TENM4: variants seen among roughly 807,000 people sequenced by gnomAD.
TENM4 encodes teneurin transmembrane protein 4, also known as teneurin-4.
A neutral mutation model predicts 243.3 loss-of-function variants in TENM4; 82 were observed. The observed-to-expected ratio is 0.34, with a 90% CI of 0.28 to 0.40. TENM4 has a LOEUF of 0.40. Ranked by LOEUF, TENM4 falls within the 10% of genes least tolerant of loss-of-function variation. TENM4 has a pLI of 1.00. For synonymous variants in TENM4, 1,412 were observed against 1,456.3 expected (o/e 0.97, Z 0.69); for missense variants, 3,138 against 3,673.3 (o/e 0.85, Z 3.77).
rs199936153 is a variant in TENM4, at chr11:79,082,564, G to A, written c.-65-12555C>T. On this transcript the variant is annotated intron_variant, in intron 4 of 33. Transcript: ENST00000278550. ...GCCTGAGAACTGCCCTGATACCCCA[G>A]AAAAATGCACATATGTGTGCACCCA... is the stretch of plus-strand genomic sequence containing the variant. 4.8e-3 allele frequency among the ~76,000 whole-genome samples: 367 copies of A among 75,786 alleles called. 2 individuals are homozygous for A. Among genetic ancestry groups the A allele is most frequent in the African/African-American group, 0.012 (335 of 27,518 alleles). The allele number at this position is 75,786 out of a possible 152,430, so 49.7% of individuals were successfully genotyped here.
At chr11:78,733,272 G>T (rs1236083247) in intron 20 of TENM4, among the ~76,000 whole-genome samples, 1 of 152,216 alleles carries the variant, frequency 6.6e-6, no homozygotes, top group Non-Finnish European at 1.5e-5. Flanking sequence ...CACTGTGACA[G>T]CATCTGGAGA....
At chr11:79,039,277 T>G in intron 6 of TENM4, among the ~76,000 whole-genome samples, 1 of 151,762 alleles carries the variant, frequency 6.6e-6, no homozygotes, top group East Asian at 1.9e-4. Context: ...CCACTTGCCT[T>G]ACAGCCTCAA....
intron 4 of TENM4, among the ~76,000 whole-genome samples, chr11:79,072,307 G>T (rs117936534): frequency 6.6e-6 from 1 of 151,986 alleles, no homozygotes; most frequent in Non-Finnish European, 1.5e-5. Context: ...GCACAGCAAG[G>T]CCCTGTTTCT....
intron 6 of TENM4, among the ~76,000 whole-genome samples, chr11:78,923,463 T>TATTCAA (rs1856490143): frequency 6.6e-6 from 1 of 152,228 alleles, no homozygotes; most frequent in South Asian, 2.1e-4. Context: ...AATGAGCAGG[T>TATTCAA]GACCCAGTTC....
At chr11:78,985,257 AT>A (rs545811022) in intron 6 of TENM4, among the ~76,000 whole-genome samples, 242 of 148,786 alleles carry the variant, frequency 1.6e-3, no homozygotes, top group East Asian at 0.014. Context: ...TGCCATACAG[AT>A]TTTTTTTTTT....
chr11:79,353,003 G>T (rs1350225064), intron 1 of TENM4, among the ~76,000 whole-genome samples: 1 of 152,134 alleles, frequency 6.6e-6, no homozygotes, highest in Non-Finnish European at 1.5e-5. Context: ...ACCCTCATTG[G>T]CAAGGCTGGC....
intron 1 of TENM4, among the ~76,000 whole-genome samples, chr11:79,431,051 T>A (rs2135610245): frequency 6.6e-6 from 1 of 152,244 alleles, no homozygotes; most frequent in South Asian, 2.1e-4. Flanking sequence ...TTAGTTCAAT[T>A]AATAAATTAA....
rs140786085 is a variant in TENM4, at chr11:79,322,040, T to C, written c.-320-24497A>G. 8.5e-5 allele frequency among the ~76,000 whole-genome samples: 13 copies of C among 152,252 alleles called. No homozygotes were observed. The East Asian group carries it at 1.5e-3, about 18-fold the overall frequency. On this transcript the variant is annotated intron_variant, in intron 1 of 33. Transcript: ENST00000278550. The stretch of plus-strand genomic sequence containing the variant: ...CTTCTGGGACTGGAATTGATGTAAA[T>C]GACAGGAAACAGGGAGGGCTCACCT...
intron 1 of TENM4, among the ~76,000 whole-genome samples, chr11:79,309,492 G>A (rs556654682): frequency 1.4e-3 from 208 of 152,328 alleles, no homozygotes; most frequent in African/African-American, 2.7e-3. Context: ...CTGGGGGACC[G>A]CCTGGTTTTA....
chr11:79,053,394 A>G (rs1365882704), intron 6 of TENM4, among the ~76,000 whole-genome samples: 2 of 152,206 alleles, frequency 1.3e-5, no homozygotes, highest in Non-Finnish European at 2.9e-5. Context: ...GGCATTTGTC[A>G]CCTTTAACTT....
At chr11:78,996,321 T>C (rs892857) in intron 6 of TENM4, among the ~76,000 whole-genome samples, 77,313 of 151,992 alleles carry the variant, frequency 0.51, 22,893 homozygotes, top group African/African-American at 0.84. Context: ...TCTAAGCTAG[T>C]TAAGTGGAAA....
intron 2 of TENM4, among the ~76,000 whole-genome samples, chr11:79,278,785 A>G (rs1240787375): frequency 6.6e-6 from 1 of 152,130 alleles, no homozygotes; most frequent in African/African-American, 2.4e-5. Context: ...GGTGCTGGGT[A>G]TGTGTGTACA....
chr11:79,109,256 A>G (rs911526320), intron 4 of TENM4, among the ~76,000 whole-genome samples: 1 of 152,190 alleles, frequency 6.6e-6, no homozygotes, highest in Non-Finnish European at 1.5e-5. Flanking sequence ...TATGATTAAT[A>G]TAGCTCACCA....
intron 6 of TENM4, among the ~76,000 whole-genome samples, chr11:78,981,034 A>G (rs1028038228): frequency 6.6e-6 from 1 of 152,174 alleles, no homozygotes; most frequent in Admixed American, 6.5e-5. Context: ...ATATCCCACA[A>G]TAATCTCTCC....
At chr11:78,754,852 A>C (rs1856270331) in intron 19 of TENM4, among the ~76,000 whole-genome samples, 1 of 152,214 alleles carries the variant, frequency 6.6e-6, no homozygotes, top group Non-Finnish European at 1.5e-5. Flanking sequence ...CGGACCATCA[A>C]GTAGCTTCAC....
At chr11:79,231,941 G>A (rs558720815) in intron 2 of TENM4, among the ~76,000 whole-genome samples, 49 of 152,266 alleles carry the variant, frequency 3.2e-4, no homozygotes, top group Middle Eastern at 3.4e-3. Flanking sequence ...TTAGCCAGGC[G>A]TGGTAGCACA....
intron 6 of TENM4, among the ~76,000 whole-genome samples, chr11:78,985,919 A>G (rs1367688545): frequency 1.3e-5 from 2 of 152,052 alleles, no homozygotes; most frequent in East Asian, 1.9e-4. Flanking sequence ...TAGAGGTGCC[A>G]CTCCATGCCC....
chr11:79,262,316 T>C (rs1411889328), intron 2 of TENM4, among the ~76,000 whole-genome samples: 1 of 152,196 alleles, frequency 6.6e-6, no homozygotes, highest in East Asian at 1.9e-4. Context: ...GCTTTTCCTG[T>C]GTTCTTTCAC....
At chr11:79,366,725 G>C (rs1390411142) in intron 1 of TENM4, among the ~76,000 whole-genome samples, 2 of 152,188 alleles carry the variant, frequency 1.3e-5, no homozygotes, top group Non-Finnish European at 2.9e-5. Context: ...CTTGAGGCCT[G>C]GGAAGGTACT....
Sources: allele counts gnomAD v4.1 joint callset (sites outside exome capture counted in the v4.1 genomes callset), GRCh38; gene constraint gnomAD v4.1.1; transcripts MANE v1.5; gene names NCBI Gene and HGNC (gene_info 2026-07-23, HGNC 2026-07-21).